The following DNHD1 variants were observed in gnomAD, a reference collection of about 807,000 sequenced individuals.
DNHD1 encodes the protein dynein heavy chain domain-containing protein 1.
In DNHD1, 383 loss-of-function variants were observed where a neutral mutation model predicts 458.1. The observed-to-expected ratio is 0.84, with a 90% confidence interval of 0.77 to 0.91. DNHD1 has a LOEUF of 0.91. DNHD1 is among the 40% of genes least tolerant of loss of function. The probability of loss-of-function intolerance (pLI) is 0.00; values close to 1 mark genes in which losing one functional copy is unlikely to be tolerated. For synonymous variants in DNHD1, 2,203 were observed against 2,376.9 expected (o/e 0.93, Z 2.13); for missense variants, 5,336 against 5,866.1 (o/e 0.91, Z 2.95).
At chr11:6,568,017 C>A (rs371762547) in intron 36 of DNHD1, 39 bp from the exon 37 acceptor site, 25 of 1,526,224 alleles carry the variant, frequency 1.6e-5, no homozygotes, top group Non-Finnish European at 2.1e-5. Flanking sequence ...ACCCTAGGAT[C>A]ACTTTGAGTC....
At chr11:6,515,049 A>G (rs1051690138) in intron 7 of DNHD1, among the ~76,000 whole-genome samples, 3 of 152,158 alleles carry the variant, frequency 2.0e-5, no homozygotes, top group Non-Finnish European at 4.4e-5. Flanking sequence ...CAGAACATTG[A>G]TCCCTTCATG....
chr11:6,546,329 T>A lies in DNHD1; in HGVS notation c.5390T>A (p.Val1797Glu). The A allele has an allele frequency of 6.4e-7, 1 of 1,552,384 alleles. No individual in the cohort carries two copies. Among genetic ancestry groups the A allele is most frequent in the Non-Finnish European group, 8.7e-7 (1 of 1,147,148 alleles). ...TTCTTTGAAAAACATCACGTGTCTG[T>A]GCGCCTTGGCTATGGCTGTCTCCTG... ...SSFFEKHHVS[V>E]RLGYGCLLVL... is the part of the protein sequence containing the mutation. The change falls in exon 21 of 43, where the codon GTG becomes GAG. Residue 1797 changes from valine to glutamate, a missense_variant. Physicochemically the swap from Val to Glu is moderately radical, Grantham distance 121. Around this residue, in one of 4 missense-constraint regions of DNHD1, gnomAD observed 3,932 missense variants for 4,365.6 expected, o/e 0.90. Transcript: ENST00000254579.
intron 7 of DNHD1, among the ~76,000 whole-genome samples, chr11:6,514,572 T>TCTTC (rs1299804115): frequency 1.4e-5 from 2 of 141,942 alleles, no homozygotes; most frequent in Non-Finnish European, 3.1e-5. Flanking sequence ...TCCCTCCCTC[T>TCTTC]CTTCCTTCCT....
At chr11:6,544,068 C>T (rs182967509) in intron 18 of DNHD1, 53 bp from the exon 19 acceptor site, 2 of 1,547,662 alleles carry the variant, frequency 1.3e-6, no homozygotes, top group South Asian at 2.4e-5. Context: ...CTTCTCTCCC[C>T]CAGCCCCGGC....
intron 10 of DNHD1, among the ~76,000 whole-genome samples, chr11:6,523,622 T>C (rs1040680242): frequency 3.3e-5 from 5 of 152,222 alleles, no homozygotes; most frequent in African/African-American, 1.2e-4. Context: ...TACATATAAA[T>C]TTTCAATTGA....
chr11:6,563,153 C>T, intron 29 of DNHD1, 22 bp downstream of exon 29: 1 of 1,551,626 alleles, frequency 6.4e-7, no homozygotes, highest in Non-Finnish European at 8.7e-7. Flanking sequence ...CTGCCGCCTG[C>T]CCTGCACTGC....
chr11:6,540,204 C>A, intron 18 of DNHD1, 121 bp downstream of exon 18: 3 of 807,780 alleles, frequency 3.7e-6, no homozygotes, highest in Non-Finnish European at 5.9e-6. Context: ...TACTAGACAG[C>A]CTAAGACATT....
rs762961835 is a variant in DNHD1 at position 6,567,493 on chromosome 11, T to C, written c.11984T>C (p.Leu3995Pro). 1 of 1,613,630 alleles carries C rather than the reference T, an allele frequency of 6.2e-7. No individual in the cohort carries two copies. The highest frequency in any genetic ancestry group is 1.1e-5 in the South Asian group (1 of 91,006). The change falls in exon 36 of 43, where the codon CTG becomes CCG. Residue 3995 changes from leucine (L) to proline (P), a missense_variant. This residue lies in a region of DNHD1 where 695 missense variants were observed against 804.2 expected (regional missense o/e 0.86). Transcript: ENST00000254579. ...KAWHECEMLELLPPFVGLCAS... is the reference protein window; with the variant it reads ...KAWHECEMLEPLPPFVGLCAS... ...TGGCATGAATGTGAGATGTTAGAGC[T>C]GCTGCCCCCATTTGTTGGCCTGTGT... is the stretch of plus-strand genomic sequence containing the variant.
intron 10 of DNHD1, among the ~76,000 whole-genome samples, chr11:6,528,153 G>C (rs1436729213): frequency 6.6e-6 from 1 of 152,198 alleles, no homozygotes; most frequent in Non-Finnish European, 1.5e-5. Context: ...TTGATGGTGT[G>C]ACAGTGATAT....
rs565666926 is a variant in DNHD1 at position 6,566,585 on chromosome 11, A to G, written c.11207-2A>G. Reference sequence around the variant, plus strand: ...GTTAAGCATCTCCCATGTTACCCCAAGTGCTAGGTTGTGAACTGCTAAAGG... The same window carrying G: ...GTTAAGCATCTCCCATGTTACCCCAGGTGCTAGGTTGTGAACTGCTAAAGG... On this transcript the variant is annotated splice_acceptor_variant, in intron 34 of 42. Transcript: ENST00000254579. LOFTEE classifies it high-confidence loss of function. The G allele has an allele frequency of 7.4e-6, 12 of 1,613,152 alleles. No individual in the cohort carries two copies. In the South Asian group the frequency reaches 8.8e-5, roughly 12 times the overall value.
In DNHD1 at chr11:6,509,250, G is replaced by T. The variant is rs759042132; in HGVS notation, c.1213G>T (p.Ala405Ser). 6.2e-7 allele frequency: 1 copy of T among 1,614,198 alleles called. No homozygotes were observed. ...HLLLAVPHFG[A>S]GLLHISRLLQ... ...GCTCTTGGCTGTGCCCCACTTTGGA[G>T]CTGGGCTACTCCATATTAGCAGGTG... Residue 405 changes from alanine (A) to serine (S), a missense_variant, in exon 6 of 43, where the codon GCT becomes TCT. Transcript: ENST00000254579.
rs1444878933 is a variant in DNHD1 at position 6,557,688 on chromosome 11, A to G, written c.8393A>G (p.Asp2798Gly). The change falls in exon 25 of 43, where the codon GAC (aspartate) becomes GGC (glycine). Residue 2798 changes from aspartate (D) to glycine (G), a missense_variant. By Grantham distance (94) the Asp-to-Gly change is moderately conservative. Transcript: ENST00000254579. ...KTWWQKKPQM[D>G]LISPLLLPVL... is the part of the protein sequence containing the mutation. ...TGGTGGCAGAAGAAACCCCAGATGG[A>G]CCTGATCTCACCCTTGTTGTTACCA... 1 of 1,551,596 alleles carries G rather than the reference A, an allele frequency of 6.4e-7. No individual in the cohort carries two copies. Among genetic ancestry groups the G allele is most frequent in the Non-Finnish European group, 8.7e-7 (1 of 1,147,002 alleles).
In DNHD1 at chr11:6,566,706, C is replaced by T. The variant is rs557936764; in HGVS notation, c.11326C>T (p.Arg3776Cys). Reference sequence around the variant, plus strand: ...CAGAGAGTATCCTGAACTCGAGACCCGCTGGCAGGACCTAAAGATCAGAGC... The same window carrying T: ...CAGAGAGTATCCTGAACTCGAGACCTGCTGGCAGGACCTAAAGATCAGAGC... ...LCREYPELET[R>C]WQDLKIRALD... Residue 3776 changes from arginine (R) to cysteine (C), a missense_variant, in exon 35 of 43, where the codon CGC (arginine) becomes TGC (cysteine). Physicochemically the swap from Arg to Cys is radical, Grantham distance 180. This residue lies in a region of DNHD1 where 695 missense variants were observed against 804.2 expected (regional missense o/e 0.86). Coordinates refer to ENST00000254579, the MANE Select transcript of DNHD1 (RefSeq NM_144666.3). The T allele has an allele frequency of 2.1e-5, 34 of 1,612,414 alleles. 1 individual carries two copies. The South Asian group carries it at 3.0e-4, about 14-fold the overall frequency.
In DNHD1 at chr11:6,528,923, A is replaced by G. The variant is rs1477126341; in HGVS notation, c.2149A>G (p.Ile717Val). Residue 717 changes from isoleucine (I) to valine (V), a missense_variant, in exon 12 of 43, where the codon ATA becomes GTA. This residue lies in a region of DNHD1 where 3,932 missense variants were observed against 4,365.6 expected (regional missense o/e 0.90). Transcript: ENST00000254579. ...VQEFCREHHW[I>V]TGIYEFLQSW... ...GGAATTCTGCAGGGAACATCATTGG[A>G]TAACAGGCATTTATGAATTCCTGCA... The G allele has an allele frequency of 6.4e-7, 1 of 1,551,618 alleles. No homozygotes were observed. The highest frequency in any genetic ancestry group is 8.7e-7 in the Non-Finnish European group (1 of 1,147,004).
At chr11:6,526,592 A>G (rs1026456613) in intron 10 of DNHD1, among the ~76,000 whole-genome samples, 3 of 116,252 alleles carry the variant, frequency 2.6e-5, no homozygotes, top group African/African-American at 6.5e-5. Flanking sequence ...TTCACTTTCT[A>G]TTGTTTTTCT....
chr11:6,564,171 C>T (rs147982405), intron 31 of DNHD1, 47 bp downstream of exon 31: 13 of 1,525,918 alleles, frequency 8.5e-6, no homozygotes, highest in African/African-American at 8.2e-5. Context: ...CCTTTTATGC[C>T]GTTCGCCTGC....
chr11:6,561,959 A>T lies in DNHD1; in HGVS notation c.9520-1023A>T, dbSNP rs187683471. On this transcript the variant is annotated intron_variant, in intron 28 of 42. Coordinates refer to ENST00000254579, the MANE Select transcript of DNHD1 (RefSeq NM_144666.3). The stretch of plus-strand genomic sequence containing the variant: ...TGGGGGTATTGTCAATCAAATGTAG[A>T]AGTGACAAGTGTTAATGACAATGAT... 1.6e-3 allele frequency among the ~76,000 whole-genome samples: 240 copies of T among 152,288 alleles called. 1 individual carries two copies. The highest frequency in any genetic ancestry group is 1.1e-3 in the Non-Finnish European group (73 of 68,030).
Position 6,568,069 on chromosome 11 carries a change from T to C in DNHD1, c.12365T>C (p.Leu4122Pro). Residue 4122 changes from leucine (L) to proline (P), a missense_variant, in exon 37 of 43, where the codon CTG (leucine) becomes CCG (proline). This residue lies in a region of DNHD1 where 695 missense variants were observed against 804.2 expected (regional missense o/e 0.86). Coordinates refer to ENST00000254579, the MANE Select transcript of DNHD1 (RefSeq NM_144666.3). ...TTTGGTCCCCAGGGGCAGAAGCAAC[T>C]GCAGGTGATAGCCCTGGGCTCTGAA... ...AAKYQQGQKQ[L>P]QVIALGSEAW... 1.3e-6 allele frequency: 2 copies of C among 1,574,694 alleles called. No individual in the cohort carries two copies. The highest frequency in any genetic ancestry group is 1.8e-5 in the Admixed American group (1 of 55,104).
chr11:6,554,066 A>G (rs1290313819), intron 24 of DNHD1, among the ~76,000 whole-genome samples: 1 of 152,168 alleles, frequency 6.6e-6, no homozygotes, highest in East Asian at 1.9e-4. Flanking sequence ...TGGGACACCT[A>G]CACTAGTGAT....
Sources: gnomAD v4.1 joint callset for allele counts (sites outside exome capture counted in the v4.1 genomes callset) on GRCh38, gnomAD v4.1.1 for gene constraint, gnomAD v4.1.1 regional missense constraint, MANE v1.5 for transcripts, NCBI Gene and HGNC (gene_info 2026-07-23, HGNC 2026-07-21) for gene names.